The following SLC39A8 variants were observed in gnomAD, a reference collection of about 807,000 sequenced individuals.
The protein encoded by SLC39A8 is metal cation symporter ZIP8.
SLC39A8 carries 15 observed loss-of-function variants against 40.4 expected under a neutral mutation model. That is an observed-to-expected ratio of 0.37 (90% CI 0.25 to 0.57). The LOEUF (loss-of-function observed/expected upper bound fraction) is 0.57, where lower values mean the gene tolerates loss of function less well. Among genes scored for constraint, SLC39A8 ranks in the 20% least tolerant of loss-of-function variants. SLC39A8 has a pLI of 0.75. For missense variants in SLC39A8, 472 were observed against 558.8 expected, an observed-to-expected ratio of 0.84 and a Z score of 1.57; for synonymous variants, 223 against 221.6, an observed-to-expected ratio of 1.01 and a Z score of -0.06.
chr4:102,337,144 C>T (rs1316886135), intron 2 of SLC39A8, among the ~76,000 whole-genome samples: 1 of 150,244 alleles, frequency 6.7e-6, no homozygotes, highest in Non-Finnish European at 1.5e-5. Context: ...ACTGATCCTT[C>T]TCAACTTCAG....
At chr4:102,252,334 G>A (rs913411035) in exon 12 of SLC39A8, 11 of 152,378 alleles carry the variant, frequency 7.2e-5, no homozygotes, top group African/African-American at 2.7e-4. Context: ...AGAAAAGTTA[G>A]ATAATGCCCT....
chr4:102,308,410 T>A (rs1232299464), intron 3 of SLC39A8, among the ~76,000 whole-genome samples: 1 of 152,086 alleles, frequency 6.6e-6, no homozygotes, highest in Admixed American at 6.6e-5. Context: ...TAAGTATTGC[T>A]TAGAATAAAA....
chr4:102,262,989 G>T lies in SLC39A8; in HGVS notation c.*55C>A. ...AGGATCAGCTTCAAAATCCTTTTTG[G>T]AGATGTTTTTATCTATTAAATGCCT... On this transcript the variant is annotated 3_prime_UTR_variant, in exon 9 of 9. Transcript: ENST00000356736. The T allele has an allele frequency of 2.6e-6, 4 of 1,510,582 alleles. No homozygotes were observed. The highest frequency in any genetic ancestry group is 2.4e-5 in the East Asian group (1 of 42,430). 93.6% of individuals were successfully genotyped at this position (1,510,582 alleles called of 1,614,324 possible).
intron 6 of SLC39A8, among the ~76,000 whole-genome samples, chr4:102,269,446 T>C (rs1217903977): frequency 6.6e-6 from 1 of 152,236 alleles, no homozygotes; most frequent in Non-Finnish European, 1.5e-5. Flanking sequence ...AGTAATAGGA[T>C]TCATCATCAT....
chr4:102,261,617 T>A, downstream of SLC39A8: 1 of 772,872 alleles, frequency 1.3e-6, no homozygotes, highest in African/African-American at 1.9e-5. Context: ...ACCAGATACA[T>A]GGTAGTCACT....
chr4:102,341,227 A>C (rs936528935), intron 2 of SLC39A8, among the ~76,000 whole-genome samples: 11 of 152,254 alleles, frequency 7.2e-5, no homozygotes, highest in African/African-American at 2.7e-4. Flanking sequence ...ATATATATCA[A>C]AAAATATATA....
chr4:102,311,248 T>C (rs982534168), intron 3 of SLC39A8, among the ~76,000 whole-genome samples: 5 of 152,144 alleles, frequency 3.3e-5, no homozygotes, highest in Admixed American at 2.6e-4. Flanking sequence ...TCCTATTTCA[T>C]AGAGTTATTA....
At chr4:102,334,811 G>A (rs1735601939) in intron 2 of SLC39A8, among the ~76,000 whole-genome samples, 1 of 152,192 alleles carries the variant, frequency 6.6e-6, no homozygotes, top group African/African-American at 2.4e-5. Flanking sequence ...CTGCCAATAT[G>A]AGTCATCTGA....
At chr4:102,297,082 T>G (rs983449192) in intron 6 of SLC39A8, among the ~76,000 whole-genome samples, 1 of 152,084 alleles carries the variant, frequency 6.6e-6, no homozygotes, top group Non-Finnish European at 1.5e-5. Context: ...AATTTAATTT[T>G]AAAAAGAGGA....
rs189006558 is a variant in SLC39A8, at chr4:102,262,768, T to C, written c.*276A>G. 10 of 1,126,484 alleles carry C rather than the reference T, an allele frequency of 8.9e-6. No homozygotes were observed. In the Admixed American group the frequency reaches 2.8e-4, roughly 31 times the overall value. 69.8% of individuals were successfully genotyped at this position (1,126,484 alleles called of 1,614,324 possible). On this transcript the variant is annotated 3_prime_UTR_variant, in exon 9 of 9. Coordinates refer to ENST00000356736, the MANE Select transcript of SLC39A8 (RefSeq NM_001135146.2). ...TATAGAATGCATGTCTCTTGCTTCATGGTGATATCTAATATGCATGGAATA... is the reference window on the plus strand; with the variant it reads ...TATAGAATGCATGTCTCTTGCTTCACGGTGATATCTAATATGCATGGAATA...
intron 6 of SLC39A8, among the ~76,000 whole-genome samples, chr4:102,286,515 C>G (rs1560538369): frequency 6.6e-6 from 1 of 151,496 alleles, no homozygotes; most frequent in Non-Finnish European, 1.5e-5. Flanking sequence ...GAACTTAACA[C>G]TAACAAACTG....
At chr4:102,272,356 G>A (rs557766083) in intron 6 of SLC39A8, among the ~76,000 whole-genome samples, 1 of 151,952 alleles carries the variant, frequency 6.6e-6, no homozygotes, top group Non-Finnish European at 1.5e-5. Flanking sequence ...GGAGGATGGT[G>A]TGAACCCGGG....
At chr4:102,312,306 T>C (rs1734467421) in intron 3 of SLC39A8, among the ~76,000 whole-genome samples, 1 of 152,098 alleles carries the variant, frequency 6.6e-6, no homozygotes, top group African/African-American at 2.4e-5. Context: ...CTCATTTCAA[T>C]TCCTAAGACA....
At chr4:102,303,978 C>T (rs984120347) in intron 6 of SLC39A8, among the ~76,000 whole-genome samples, 16 of 151,808 alleles carry the variant, frequency 1.1e-4, no homozygotes, top group Non-Finnish European at 2.2e-4. Context: ...TTATTTGATT[C>T]TGGATCTTCA....
chr4:102,324,829 T>A (rs1735126159), intron 2 of SLC39A8, among the ~76,000 whole-genome samples: 2 of 152,168 alleles, frequency 1.3e-5, no homozygotes, highest in Admixed American at 1.3e-4. Context: ...GTAGTTTGAA[T>A]TTAACAATTG....
chr4:102,264,975 C>T (rs772091555), intron 8 of SLC39A8, among the ~76,000 whole-genome samples: 9 of 152,184 alleles, frequency 5.9e-5, no homozygotes, highest in Admixed American at 1.3e-4. Flanking sequence ...ATCCATACCA[C>T]GTAAATTTTA....
intron 6 of SLC39A8, among the ~76,000 whole-genome samples, chr4:102,296,157 GC>G (rs1733668962): frequency 6.6e-6 from 1 of 152,020 alleles, no homozygotes; most frequent in Non-Finnish European, 1.5e-5. Context: ...TTACCTATGA[GC>G]TTTTAAAGTC....
chr4:102,272,747 G>A (rs761919697), intron 6 of SLC39A8, among the ~76,000 whole-genome samples: 8 of 152,054 alleles, frequency 5.3e-5, no homozygotes, highest in Admixed American at 1.3e-4. Flanking sequence ...ATTTCCAACT[G>A]AGGTACCCAG....
Position 102,344,013 on chromosome 4 carries a change from C to T in SLC39A8, c.219+431G>A, listed in dbSNP as rs559949490. ...TTTTCAAATAGCACTGGTTACGCAC[C>T]GGGCAACTGTTAACCAGGGTGGCAT... On this transcript the variant is annotated intron_variant, in intron 2 of 8. Coordinates refer to ENST00000356736, the MANE Select transcript of SLC39A8 (RefSeq NM_001135146.2). Among the ~76,000 whole-genome samples the T allele has an allele frequency of 6.6e-5, 10 of 152,258 alleles. No individual in the cohort carries two copies. In the South Asian group the frequency reaches 2.1e-3, roughly 32 times the overall value.
Sources: gnomAD v4.1 joint callset for allele counts (sites outside exome capture counted in the v4.1 genomes callset) on GRCh38, gnomAD v4.1.1 for gene constraint, MANE v1.5 for transcripts, NCBI Gene and HGNC (gene_info 2026-07-23, HGNC 2026-07-21) for gene names.